The following SYN3 variants were observed in gnomAD, a reference collection of about 807,000 sequenced individuals.
SYN3 encodes synapsin III, also known as synapsin-3.
SYN3 carries 35 observed loss-of-function variants against 65.8 expected under a neutral mutation model. The observed-to-expected ratio is 0.53, with a 90% confidence interval of 0.41 to 0.70. The LOEUF is 0.70. SYN3 is among the 30% of genes least tolerant of loss of function. The pLI, the probability that SYN3 is intolerant of heterozygous loss-of-function variation, is 0.00. For missense variants in SYN3, 680 were observed against 749.0 expected, an observed-to-expected ratio of 0.91 and a Z score of 1.08; for synonymous variants, 270 against 292.9, an observed-to-expected ratio of 0.92 and a Z score of 0.80.
Position 33,006,757 on chromosome 22 carries a change from C to T in SYN3, c.-95G>A, listed in dbSNP as rs2053210074. On this transcript the variant is annotated 5_prime_UTR_variant, in exon 2 of 14. Coordinates refer to ENST00000358763, the MANE Select transcript of SYN3 (RefSeq NM_003490.4). The stretch of plus-strand genomic sequence containing the variant: ...CTGCCAGGTACAGGGAGTGGTAGGA[C>T]TTTAGCCAGAAGAGCCAGGGGGATT... 3.0e-6 allele frequency: 4 copies of T among 1,325,232 alleles called. No homozygotes were observed. Among genetic ancestry groups the T allele is most frequent in the African/African-American group, 1.5e-5 (1 of 68,236 alleles). The allele number at this position is 1,325,232 out of a possible 1,614,324, so 82.1% of individuals were successfully genotyped here.
intron 4 of SYN3, among the ~76,000 whole-genome samples, chr22:32,917,524 G>A (rs181137670): frequency 1.5e-4 from 23 of 152,262 alleles, no homozygotes; most frequent in East Asian, 3.9e-4. Flanking sequence ...AGTGGCCACC[G>A]GGCAATTTCT....
At chr22:32,515,081 C>A (rs1169347183) in intron 13 of SYN3, among the ~76,000 whole-genome samples, 1 of 152,044 alleles carries the variant, frequency 6.6e-6, no homozygotes, top group Non-Finnish European at 1.5e-5. Context: ...TTGCTTATTA[C>A]CCCTCAGAGA....
intron 1 of SYN3, among the ~76,000 whole-genome samples, chr22:33,008,294 C>A (rs887635859): frequency 6.6e-5 from 10 of 152,128 alleles, no homozygotes; most frequent in Non-Finnish European, 1.2e-4. Context: ...CTTAGGTATA[C>A]ACTTCTTTGA....
Position 32,874,436 on chromosome 22 carries a change from G to C in SYN3, c.462-5311C>G, listed in dbSNP as rs5754320. On this transcript the variant is annotated intron_variant, in intron 4 of 13. Coordinates refer to ENST00000358763, the MANE Select transcript of SYN3 (RefSeq NM_003490.4). ...AAGAAATAATTAACGGTAAAGATGG[G>C]ACAGGTGACGTGTCACAGGGGGATT... Among the ~76,000 whole-genome samples the C allele has an allele frequency of 7.9e-3, 1,203 of 152,320 alleles. 9 individuals are homozygous for C. The highest frequency in any genetic ancestry group is 0.029 in the East Asian group (151 of 5,180).
At chr22:32,540,273 C>A (rs755610489) in intron 8 of SYN3, among the ~76,000 whole-genome samples, 1 of 152,192 alleles carries the variant, frequency 6.6e-6, no homozygotes, top group Non-Finnish European at 1.5e-5. Flanking sequence ...TGGCTGTGAT[C>A]AACAGAACTG....
intron 1 of SYN3, among the ~76,000 whole-genome samples, chr22:33,017,039 A>G (rs1341220482): frequency 2.0e-5 from 3 of 152,134 alleles, no homozygotes; most frequent in Non-Finnish European, 4.4e-5. Context: ...TTATAGTTTC[A>G]GGTCTTATAT....
intron 9 of SYN3, among the ~76,000 whole-genome samples, chr22:32,534,695 G>T (rs890304085): frequency 6.6e-6 from 1 of 152,166 alleles, no homozygotes; most frequent in African/African-American, 2.4e-5. Flanking sequence ...CAATGTTCTT[G>T]CTTCTCACTC....
intron 6 of SYN3, chr22:32,629,989 T>C (rs932663140): frequency 9.6e-6 from 1 of 103,848 alleles, no homozygotes; most frequent in Non-Finnish European, 1.9e-5. Context: ...AGGTATGTAT[T>C]TTTTTTTTTT....
At chr22:33,016,460 GAAAT>G (rs1373568132) in intron 1 of SYN3, among the ~76,000 whole-genome samples, 1 of 152,106 alleles carries the variant, frequency 6.6e-6, no homozygotes, top group Non-Finnish European at 1.5e-5. Context: ...TTGATAAAAG[GAAAT>G]AAATAATGTC....
At chr22:32,941,146 T>C (rs910150306) in intron 3 of SYN3, among the ~76,000 whole-genome samples, 8 of 152,168 alleles carry the variant, frequency 5.3e-5, no homozygotes, top group African/African-American at 1.9e-4. Flanking sequence ...AACAAAAAAA[T>C]CCACAATTCT....
chr22:32,933,835 C>A (rs930689357), intron 3 of SYN3, among the ~76,000 whole-genome samples: 4 of 152,076 alleles, frequency 2.6e-5, no homozygotes, highest in African/African-American at 9.7e-5. Flanking sequence ...GACCTAAAAA[C>A]AACCCATTTA....
At chr22:32,534,852 G>A (rs1267066741) in intron 9 of SYN3, among the ~76,000 whole-genome samples, 1 of 152,324 alleles carries the variant, frequency 6.6e-6, no homozygotes, top group South Asian at 2.1e-4. Flanking sequence ...CAGAGAGGGA[G>A]GGTGGCTGGT....
intron 6 of SYN3, chr22:32,858,198 T>A: frequency 6.2e-7 from 1 of 1,603,026 alleles, no homozygotes; most frequent in South Asian, 1.1e-5. Context: ...CCTAGAAACA[T>A]CAGCTCCCAA....
chr22:32,728,177 C>A (rs368191437), intron 6 of SYN3, among the ~76,000 whole-genome samples: 3 of 152,318 alleles, frequency 2.0e-5, no homozygotes, highest in African/African-American at 7.2e-5. Flanking sequence ...GACATAGGCA[C>A]TGACAAAGGT....
At chr22:32,980,772 G>T in intron 2 of SYN3, 70 bp from the exon 3 acceptor site, 2 of 1,430,186 alleles carry the variant, frequency 1.4e-6, no homozygotes, top group Non-Finnish European at 2.0e-6. Flanking sequence ...TCTCCCAAAG[G>T]CCTTACCCCA....
At chr22:32,737,963 G>A (rs776567558) in intron 6 of SYN3, among the ~76,000 whole-genome samples, 7 of 152,292 alleles carry the variant, frequency 4.6e-5, no homozygotes, top group South Asian at 2.1e-4. Context: ...TGCCTGACCC[G>A]TATCAGATCT....
chr22:32,914,844 A>G (rs921621342), intron 4 of SYN3, among the ~76,000 whole-genome samples: 2 of 152,204 alleles, frequency 1.3e-5, no homozygotes, highest in East Asian at 3.9e-4. Context: ...GTTTGAAAAC[A>G]AAGGAAGGCT....
At chr22:32,726,081 T>C (rs1261738694) in intron 6 of SYN3, among the ~76,000 whole-genome samples, 1 of 152,192 alleles carries the variant, frequency 6.6e-6, no homozygotes, top group African/African-American at 2.4e-5. Context: ...TGAGGTCTAG[T>C]CTTCATATTT....
At chr22:32,758,357 T>A (rs1233474220) in intron 6 of SYN3, among the ~76,000 whole-genome samples, 1 of 151,978 alleles carries the variant, frequency 6.6e-6, no homozygotes, top group Admixed American at 6.6e-5. Context: ...AAAATATTGA[T>A]CCTGCGTGTG....
Sources: gnomAD v4.1 joint callset for allele counts (sites outside exome capture counted in the v4.1 genomes callset) on GRCh38, gnomAD v4.1.1 for gene constraint, MANE v1.5 for transcripts, NCBI Gene and HGNC (gene_info 2026-07-23, HGNC 2026-07-21) for gene names.